CREBBP: variants seen among roughly 807,000 people sequenced by gnomAD.
The protein encoded by CREBBP is CREB-binding protein.
A neutral mutation model predicts 265.0 loss-of-function variants in CREBBP; 19 were observed. The observed-to-expected ratio is 0.07, with a 90% CI of 0.05 to 0.11. The LOEUF (loss-of-function observed/expected upper bound fraction) is 0.11. Ranked by LOEUF, CREBBP falls within the 10% of genes least tolerant of loss-of-function variation. The pLI, the probability that CREBBP is intolerant of heterozygous loss-of-function variation, is 1.00. For missense variants in CREBBP, 2,525 were observed against 3,219.0 expected, an observed-to-expected ratio of 0.78 and a Z score of 5.22; for synonymous variants, 1,457 against 1,223.7, an observed-to-expected ratio of 1.19 and a Z score of -3.98.
chr16:3,797,303 T>C (rs963957602), intron 3 of CREBBP, among the ~76,000 whole-genome samples: 1 of 152,216 alleles, frequency 6.6e-6, no homozygotes, highest in African/African-American at 2.4e-5. Context: ...TATTGCCAGA[T>C]ACTGAAACAT....
intron 2 of CREBBP, 53 bp from the exon 3 acceptor site, chr16:3,810,832 G>A: frequency 1.3e-6 from 2 of 1,575,648 alleles, no homozygotes; most frequent in East Asian, 2.2e-5. Context: ...AATATAAAAG[G>A]AAGGGCCTGG....
intron 16 of CREBBP, among the ~76,000 whole-genome samples, chr16:3,764,904 T>C (rs963972943): frequency 2.6e-5 from 4 of 152,120 alleles, no homozygotes; most frequent in African/African-American, 4.8e-5. Flanking sequence ...CTTGATGAGA[T>C]AGTAAAAAGT....
At chr16:3,837,356 C>G (rs542350893) in intron 2 of CREBBP, among the ~76,000 whole-genome samples, 5 of 152,286 alleles carry the variant, frequency 3.3e-5, no homozygotes, top group South Asian at 2.1e-4. Flanking sequence ...TGGCTCACAC[C>G]TGTAATCCCA....
At chr16:3,802,114 A>ATTTTTTTTTTTTTTTTTTTTTTTTTTTTT (rs71133657) in intron 3 of CREBBP, among the ~76,000 whole-genome samples, 1 of 50,556 alleles carries the variant, frequency 2.0e-5, no homozygotes, top group African/African-American at 9.3e-5. Context: ...GTATTCCTTA[A>ATTTTTTTTTTTTTTTTTTTTTTTTTTTTT]TTTTTTTTTT....
chr16:3,736,046 T>C lies in CREBBP; in HGVS notation c.4718A>G (p.Glu1573Gly). 4.3e-6 allele frequency: 7 copies of C among 1,614,234 alleles called. No individual in the cohort carries two copies. Among genetic ancestry groups the C allele is most frequent in the Non-Finnish European group, 5.9e-6 (7 of 1,180,036 alleles). ...RKKEESTAAS[E>G]TTEGSQGDSK... ...GAGAAGGGTCTGTACCTCAGTGGTT[T>C]CACTGGCTGCAGTGCTCTCTTCCTT... Residue 1573 changes from glutamate to glycine, a missense_variant, in exon 28 of 31, where the codon GAA becomes GGA. Physicochemically the swap from Glu to Gly is moderately conservative, Grantham distance 98. Coordinates refer to ENST00000262367, the MANE Select transcript of CREBBP (RefSeq NM_004380.3).
chr16:3,823,519 G>A (rs1007647292), intron 2 of CREBBP, among the ~76,000 whole-genome samples: 6 of 152,060 alleles, frequency 3.9e-5, no homozygotes, highest in Admixed American at 2.0e-4. Context: ...CAGGGAGGGC[G>A]GGAGGAAAGA....
At chr16:3,763,621 G>C (rs1203023750) in intron 16 of CREBBP, among the ~76,000 whole-genome samples, 1 of 151,158 alleles carries the variant, frequency 6.6e-6, no homozygotes, top group Non-Finnish European at 1.5e-5. Flanking sequence ...GCGCCACCAG[G>C]CCCGACTAAT....
At chr16:3,842,275 C>A (rs555228497) in intron 2 of CREBBP, among the ~76,000 whole-genome samples, 2 of 152,146 alleles carry the variant, frequency 1.3e-5, no homozygotes, top group African/African-American at 2.4e-5. Context: ...CCCCTTGACC[C>A]GAAATTACAC....
At chr16:3,730,641 GAGGACCCGCTC>G (rs2051889283) in intron 30 of CREBBP, 1 of 168,964 alleles carries the variant, frequency 5.9e-6, no homozygotes, top group Admixed American at 5.5e-5. Context: ...TCGCTCTGCT[GAGGACCCGCTC>G]TGCCCCGCTA....
At chr16:3,793,864 C>T (rs574247780) in intron 3 of CREBBP, among the ~76,000 whole-genome samples, 185 of 152,282 alleles carry the variant, frequency 1.2e-3, no homozygotes, top group African/African-American at 3.4e-3. Flanking sequence ...CCAAGCAAGA[C>T]AATGGCTGGC....
intron 3 of CREBBP, among the ~76,000 whole-genome samples, chr16:3,809,448 T>C (rs1172213274): frequency 6.6e-6 from 1 of 152,176 alleles, no homozygotes; most frequent in East Asian, 1.9e-4. Context: ...AGTGCTGGCA[T>C]TACAGGTGTG....
At chr16:3,805,104 A>G (rs759986501) in intron 3 of CREBBP, among the ~76,000 whole-genome samples, 4 of 152,330 alleles carry the variant, frequency 2.6e-5, no homozygotes, top group Admixed American at 6.5e-5. Context: ...ACCAACGGGG[A>G]TAAGTTTGAA....
At chr16:3,833,825 T>C (rs2054390057) in intron 2 of CREBBP, among the ~76,000 whole-genome samples, 1 of 152,174 alleles carries the variant, frequency 6.6e-6, no homozygotes, top group Non-Finnish European at 1.5e-5. Context: ...TCAAAGATAA[T>C]GTCAAGAGAA....
chr16:3,829,296 A>C (rs2054296877), intron 2 of CREBBP, among the ~76,000 whole-genome samples: 1 of 152,242 alleles, frequency 6.6e-6, no homozygotes, highest in Non-Finnish European at 1.5e-5. Flanking sequence ...CAGACGATTC[A>C]GAAGATGAGA....
intron 2 of CREBBP, among the ~76,000 whole-genome samples, chr16:3,849,436 T>TGTGTGTGGG (rs1567360355): frequency 8.8e-5 from 1 of 11,400 alleles, no homozygotes; most frequent in African/African-American, 1.2e-4. Context: ...TGTGTGTGTG[T>TGTGTGTGGG]GTGTGTGTGT....
chr16:3,745,254 C>G, intron 22 of CREBBP, 23 bp downstream of exon 22: 1 of 1,609,530 alleles, frequency 6.2e-7, no homozygotes, highest in Non-Finnish European at 8.5e-7. Context: ...GAACTGCCCT[C>G]CAGGCCAGGG....
chr16:3,806,172 G>A (rs1485250784), intron 3 of CREBBP, among the ~76,000 whole-genome samples: 1 of 150,820 alleles, frequency 6.6e-6, no homozygotes, highest in Non-Finnish European at 1.5e-5. Flanking sequence ...TTGCCGCTCA[G>A]GTGCTACCAG....
At chr16:3,809,974 C>T (rs924040328) in intron 3 of CREBBP, among the ~76,000 whole-genome samples, 4 of 151,908 alleles carry the variant, frequency 2.6e-5, no homozygotes, top group Admixed American at 2.0e-4. Flanking sequence ...CAAAAGAACG[C>T]ACTACCCCTC....
At chr16:3,760,561 C>A (rs1487761900) in intron 16 of CREBBP, among the ~76,000 whole-genome samples, 1 of 151,518 alleles carries the variant, frequency 6.6e-6, no homozygotes, top group Non-Finnish European at 1.5e-5. Flanking sequence ...CACCACCACG[C>A]CCAGCTGATT....
Sources: allele counts gnomAD v4.1 joint callset (sites outside exome capture counted in the v4.1 genomes callset), GRCh38; gene constraint gnomAD v4.1.1; transcripts MANE v1.5; gene names NCBI Gene and HGNC (gene_info 2026-07-23, HGNC 2026-07-21).